Variants in COL22A1 observed in about 807,000 individuals in gnomAD.
COL22A1 encodes the protein collagen alpha-1(XXII) chain.
Under a neutral mutation model 248.9 loss-of-function variants are expected in COL22A1, and 221 were observed. The observed-to-expected ratio is 0.89, with a 90% CI of 0.80 to 0.99. The LOEUF is 0.99. Ranked by LOEUF, COL22A1 falls within the 50% of genes least tolerant of loss-of-function variation. The probability of loss-of-function intolerance (pLI) is 0.00; values close to 1 mark genes in which losing one functional copy is unlikely to be tolerated. For synonymous variants in COL22A1, 891 were observed against 793.4 expected, an observed-to-expected ratio of 1.12 and a Z score of -2.07; for missense variants, 2,240 against 2,179.0, an observed-to-expected ratio of 1.03 and a Z score of -0.56.
chr8:138,762,240 G>A (rs914892344), intron 17 of COL22A1, among the ~76,000 whole-genome samples, 173 bp downstream of exon 17: 1 of 152,168 alleles, frequency 6.6e-6, no homozygotes, highest in African/African-American at 2.4e-5. Flanking sequence ...GGGGTTCGCA[G>A]AGTCAACCTA....
At chr8:138,648,705 C>T (rs1055964240) in intron 46 of COL22A1, among the ~76,000 whole-genome samples, 6 of 152,020 alleles carry the variant, frequency 3.9e-5, no homozygotes, top group African/African-American at 1.4e-4. Flanking sequence ...GGATTGGTAT[C>T]TCCCCAAGTT....
At chr8:138,773,808 A>AC (rs748293339) in intron 16 of COL22A1, among the ~76,000 whole-genome samples, 1 of 152,112 alleles carries the variant, frequency 6.6e-6, no homozygotes, top group East Asian at 1.9e-4. Context: ...CCAGCGTGTG[A>AC]CCCCCACATG....
At chr8:138,679,916 C>T (rs192155112) in intron 39 of COL22A1, among the ~76,000 whole-genome samples, 34 of 152,242 alleles carry the variant, frequency 2.2e-4, no homozygotes, top group African/African-American at 8.2e-4. Flanking sequence ...TAAACTTTTT[C>T]AGAGGAGGCA....
chr8:138,780,986 G>A lies in COL22A1; in HGVS notation c.1597-6C>T, dbSNP rs1434464428. On this transcript the variant is annotated splice_region_variant and splice_polypyrimidine_tract_variant and intron_variant, in intron 12 of 64. Transcript: ENST00000303045. ...CCGGGCAGGCCCAGGGAACCCTAAA[G>A]CCAAAAAAAGAGAATAGCAATTAGT... 2 of 1,589,676 alleles carry A rather than the reference G, an allele frequency of 1.3e-6. No homozygotes were observed. Among genetic ancestry groups the A allele is most frequent in the Admixed American group, 1.8e-5 (1 of 54,242 alleles).
At chr8:138,733,883 C>T (rs1830895363) in intron 23 of COL22A1, among the ~76,000 whole-genome samples, 1 of 152,112 alleles carries the variant, frequency 6.6e-6, no homozygotes, top group Admixed American at 6.5e-5. Context: ...ATCCCTAGTC[C>T]ACCTTCTTCA....
intron 23 of COL22A1, among the ~76,000 whole-genome samples, chr8:138,731,405 A>C (rs1355788507): frequency 6.6e-6 from 1 of 152,166 alleles, no homozygotes; most frequent in South Asian, 2.1e-4. Context: ...AGCAGGCAGA[A>C]GGCAGCCAGC....
In COL22A1 at chr8:138,720,858, C is replaced by A. The variant is rs376862589; in HGVS notation, c.2302-66G>T. 1.7e-4 allele frequency: 221 copies of A among 1,300,942 alleles called. 2 individuals carry two copies. Among genetic ancestry groups the A allele is most frequent in the Admixed American group, 5.4e-4 (32 of 59,564 alleles). 80.6% of individuals were successfully genotyped at this position (1,300,942 alleles called of 1,614,324 possible). A position where few individuals can be genotyped will look rare whatever the true frequency, so the allele number is the denominator to read the frequency against. ...TGCTTGGATTAAACAACACAAAGTA[C>A]TAGGCACAGGTTGGAAGGAAGAGAA... On this transcript the variant is annotated intron_variant, in intron 26 of 64. Transcript: ENST00000303045.
At chr8:138,624,239 C>T (rs1820068916) in intron 51 of COL22A1, among the ~76,000 whole-genome samples, 1 of 152,098 alleles carries the variant, frequency 6.6e-6, no homozygotes, top group Admixed American at 6.6e-5. Flanking sequence ...ACTGTGGGCA[C>T]AGGAGGGGCT....
At chr8:138,600,421 C>T (rs1338017540) in intron 60 of COL22A1, among the ~76,000 whole-genome samples, 1 of 146,954 alleles carries the variant, frequency 6.8e-6, no homozygotes, top group African/African-American at 2.7e-5. Context: ...AACATACGCA[C>T]TTAAATGAAA....
intron 12 of COL22A1, among the ~76,000 whole-genome samples, chr8:138,781,293 G>C (rs76441822): frequency 1.3e-5 from 2 of 152,138 alleles, no homozygotes; most frequent in South Asian, 2.1e-4. Flanking sequence ...GCCCTTCCTC[G>C]CCCTGGGCTT....
intron 3 of COL22A1, 103 bp downstream of exon 3, chr8:138,877,647 T>TGGAGCCGGCCAAAA: frequency 8.1e-7 from 1 of 1,241,848 alleles, no homozygotes; most frequent in South Asian, 1.6e-5. Flanking sequence ...CCCGCCTTCC[T>TGGAGCCGGCCAAAA]GGAGCCGGCC....
intron 31 of COL22A1, among the ~76,000 whole-genome samples, chr8:138,700,825 A>C (rs1477521763): frequency 6.6e-6 from 1 of 152,094 alleles, no homozygotes; most frequent in Non-Finnish European, 1.5e-5. Flanking sequence ...TCTACTAAAA[A>C]ATACAAAAAA....
intron 41 of COL22A1, 100 bp downstream of exon 41, chr8:138,676,458 G>GAAAGAAAGA (rs1564179990): frequency 5.5e-4 from 85 of 155,650 alleles, no homozygotes; most frequent in African/African-American, 3.3e-3. Context: ...AGAAAGAAAG[G>GAAAGAAAGA]AAGAAAGAAA....
intron 3 of COL22A1, among the ~76,000 whole-genome samples, chr8:138,856,689 G>A (rs545052343): frequency 4.6e-5 from 7 of 152,060 alleles, no homozygotes; most frequent in Non-Finnish European, 7.4e-5. Context: ...GAGACAGCAA[G>A]AGAGAGGGAT....
rs1818281129 is a variant in COL22A1, at chr8:138,604,563, C to G, written c.4140+171G>C. Among the ~76,000 whole-genome samples, 3 of 152,108 alleles carry G rather than the reference C, an allele frequency of 2.0e-5. No homozygotes were observed. In the South Asian group the frequency reaches 6.2e-4, roughly 32 times the overall value. On this transcript the variant is annotated intron_variant, in intron 59 of 64. Coordinates refer to ENST00000303045, the MANE Select transcript of COL22A1 (RefSeq NM_152888.3). ...GCTACATAATTTGTGGGGCTCCGGG[C>G]AAAATTAAAACATGAGCCAGGTGTT... is the stretch of plus-strand genomic sequence containing the variant.
intron 4 of COL22A1, among the ~76,000 whole-genome samples, chr8:138,834,933 A>G (rs1430466494): frequency 6.6e-6 from 1 of 152,096 alleles, no homozygotes; most frequent in Non-Finnish European, 1.5e-5. Context: ...ACTTGTGGGG[A>G]CCCCAGAAAT....
chr8:138,675,459 T>C (rs1315214067), intron 41 of COL22A1, among the ~76,000 whole-genome samples: 1 of 152,222 alleles, frequency 6.6e-6, no homozygotes, highest in Non-Finnish European at 1.5e-5. Context: ...ATTACTCCAG[T>C]TTATATTCCA....
chr8:138,865,482 T>C (rs912374661), intron 3 of COL22A1, among the ~76,000 whole-genome samples: 1 of 150,536 alleles, frequency 6.6e-6, no homozygotes, highest in Non-Finnish European at 1.5e-5. Flanking sequence ...CTTATGTTTG[T>C]ATGCATGTGT....
At chr8:138,778,513 A>C (rs1586723530) in intron 14 of COL22A1, 107 bp from the exon 15 acceptor site, 4 of 971,570 alleles carry the variant, frequency 4.1e-6, no homozygotes, top group Non-Finnish European at 6.1e-6. Context: ...CTGCTAGCTC[A>C]CCTCTCACCA....
Sources: allele counts gnomAD v4.1 joint callset (sites outside exome capture counted in the v4.1 genomes callset), GRCh38; gene constraint gnomAD v4.1.1; transcripts MANE v1.5; gene names NCBI Gene and HGNC (gene_info 2026-07-23, HGNC 2026-07-21).